The following ORC1 variants were observed in gnomAD, a reference collection of about 807,000 sequenced individuals.
ORC1 encodes the protein origin recognition complex, subunit 1 homolog.
Under a neutral mutation model 98.9 loss-of-function variants are expected in ORC1, and 61 were observed. The ratio of observed to expected loss-of-function variants is 0.62; its 90% confidence interval spans 0.50 to 0.76. ORC1 has a LOEUF of 0.76. ORC1 is among the 30% of genes least tolerant of loss of function. The probability of loss-of-function intolerance (pLI) is 0.00; values close to 1 mark genes in which losing one functional copy is unlikely to be tolerated. For missense variants in ORC1, 979 were observed against 1,072.2 expected, an observed-to-expected ratio of 0.91 and a Z score of 1.21; for synonymous variants, 385 against 406.9, an observed-to-expected ratio of 0.95 and a Z score of 0.65.
chr1:52,409,065 C>A (rs555593603), upstream of ORC1: 41 of 191,254 alleles, frequency 2.1e-4, no homozygotes, highest in African/African-American at 9.2e-4. Flanking sequence ...CTTCACAGTT[C>A]TTTCTACTGG....
intron 8 of ORC1, among the ~76,000 whole-genome samples, chr1:52,387,617 C>G (rs1460420326): frequency 6.6e-6 from 1 of 152,172 alleles, no homozygotes; most frequent in Non-Finnish European, 1.5e-5. Flanking sequence ...GCCACCATGC[C>G]TGGCTAATTT....
chr1:52,373,036 G>A lies in ORC1; in HGVS notation c.*145C>T, dbSNP rs1646953541. On this transcript the variant is annotated 3_prime_UTR_variant, in exon 17 of 17. Transcript: ENST00000371568. ...AGTTTCAGCCACCTGGGAGGATGAG[G>A]TTGGGGGGTCACCTAAGCCTGAGAA... The A allele has an allele frequency of 3.5e-6, 3 of 860,430 alleles. No individual in the cohort carries two copies. In the Admixed American group the frequency reaches 5.2e-5, roughly 15 times the overall value. 53.3% of individuals were successfully genotyped at this position (860,430 alleles called of 1,614,324 possible). A position where few individuals can be genotyped will look rare whatever the true frequency, so the allele number is the denominator to read the frequency against.
chr1:52,398,263 C>CA (rs1190675813), intron 3 of ORC1, among the ~76,000 whole-genome samples: 1 of 145,668 alleles, frequency 6.9e-6, no homozygotes, highest in Non-Finnish European at 1.5e-5. Flanking sequence ...CACCTCCCGC[C>CA]AAAATTTTTT....
In ORC1 at chr1:52,389,286, G is replaced by T. The variant is rs757960907; in HGVS notation, c.1118C>A (p.Thr373Asn). ...AKEAKAQNEA[T>N]STPHRIRRKS... ...TCTGCGGATACGATGGGGAGTAGAG[G>T]TCGCTTCATTCTGGGCTTTTGCTTC... The change falls in exon 7 of 17, where the codon ACC becomes AAC. Residue 373 changes from threonine (T) to asparagine (N), a missense_variant. Physicochemically the swap from Thr to Asn is moderately conservative, Grantham distance 65. Transcript: ENST00000371568. 3.1e-6 allele frequency: 5 copies of T among 1,614,050 alleles called. 1 individual carries two copies. In the South Asian group the frequency reaches 5.5e-5, roughly 18 times the overall value.
In ORC1 at chr1:52,376,528, C is replaced by T. The variant is rs544088078; in HGVS notation, c.2134-929G>A. On this transcript the variant is annotated intron_variant, in intron 14 of 16. Coordinates refer to ENST00000371568, the MANE Select transcript of ORC1 (RefSeq NM_004153.4). ...AAAAAAAAATCACTTTCCAAGTAAC[C>T]CAGGACACAAACATGACTATCGGCT... 5.3e-5 allele frequency among the ~76,000 whole-genome samples: 8 copies of T among 152,086 alleles called. No individual in the cohort carries two copies. In the South Asian group the frequency reaches 1.0e-3, roughly 20 times the overall value.
chr1:52,376,747 A>G (rs911364836), intron 14 of ORC1, among the ~76,000 whole-genome samples: 24 of 152,098 alleles, frequency 1.6e-4, no homozygotes, highest in African/African-American at 5.6e-4. Flanking sequence ...GTAAGGAAAC[A>G]CCTAAACCAG....
rs1290018111 is a variant in ORC1, at chr1:52,373,321, T to C, written c.2446A>G (p.Met816Val). Reference protein sequence around the residue: ...CRMEGLPYPTMSETMAVCSHL... With the variant: ...CRMEGLPYPTVSETMAVCSHL... ...GAACACACGGCCATGGTCTCTGACA[T>C]GGTGGGGTACGGCAGTCCCTCCATT... The change falls in exon 17 of 17, where the codon ATG becomes GTG. Residue 816 changes from methionine (M) to valine (V), a missense_variant. Physicochemically the swap from Met to Val is conservative, Grantham distance 21. Coordinates refer to ENST00000371568, the MANE Select transcript of ORC1 (RefSeq NM_004153.4). 1 of 1,614,142 alleles carries C rather than the reference T, an allele frequency of 6.2e-7. No individual in the cohort carries two copies. The highest frequency in any genetic ancestry group is 1.1e-5 in the South Asian group (1 of 91,076).
At chr1:52,408,941 A>G, upstream of ORC1, 2 of 354,502 alleles carry the variant, frequency 5.6e-6, no homozygotes, top group South Asian at 8.3e-5. Context: ...CCTGCCTTGC[A>G]TCATATGCCC....
At chr1:52,397,103 AT>A (rs1178264935) in intron 4 of ORC1, among the ~76,000 whole-genome samples, 1 of 152,164 alleles carries the variant, frequency 6.6e-6, no homozygotes, top group Non-Finnish European at 1.5e-5. Context: ...AATTAAGATA[AT>A]CATGCCAGAC....
chr1:52,403,041 A>C (rs1647805490), intron 1 of ORC1, among the ~76,000 whole-genome samples: 1 of 152,228 alleles, frequency 6.6e-6, no homozygotes, highest in African/African-American at 2.4e-5. Context: ...CTTACAACAC[A>C]CTGTGTGAAA....
At chr1:52,379,769 C>T (rs569845265) in intron 14 of ORC1, among the ~76,000 whole-genome samples, 1 of 151,832 alleles carries the variant, frequency 6.6e-6, no homozygotes, top group South Asian at 2.1e-4. Context: ...CCTGTCTCTA[C>T]TAAAAATACA....
chr1:52,408,295 T>C, upstream of ORC1: 1 of 548,398 alleles, frequency 1.8e-6, no homozygotes. Flanking sequence ...TCCTGTGAGG[T>C]AAATAGGTTT....
In ORC1 at chr1:52,389,426, A is replaced by G. The variant is rs375333356; in HGVS notation, c.1083-105T>C. The G allele has an allele frequency of 4.7e-5, 37 of 780,980 alleles. No homozygotes were observed. In the African/African-American group the frequency reaches 5.0e-4, roughly 10 times the overall value. 48.4% of individuals were successfully genotyped at this position (780,980 alleles called of 1,614,324 possible). On this transcript the variant is annotated intron_variant, in intron 6 of 16. Coordinates refer to ENST00000371568, the MANE Select transcript of ORC1 (RefSeq NM_004153.4). ...GGCCTGATTGGCTCCCAGTCTTTTT[A>G]TATATACTTTGAAAAGAGTAAAACT...
intron 13 of ORC1, among the ~76,000 whole-genome samples, chr1:52,382,651 C>T (rs1443172461): frequency 1.4e-5 from 2 of 146,906 alleles, no homozygotes; most frequent in South Asian, 4.3e-4. Context: ...GTGATCCTGG[C>T]TCACCGCAAC....
In ORC1 at chr1:52,393,582, G is replaced by C. The variant is rs201265198; in HGVS notation, c.943C>G (p.Arg315Gly). ...EDDKKASPEHRIILRTRIAAS... is the reference protein window; with the variant it reads ...EDDKKASPEHGIILRTRIAAS... ...GCAATTCGGGTTCTCAGGATTATGCGATGTTCAGGTGAAGCCTTCTTGTCA... is the reference window on the plus strand; with the variant it reads ...GCAATTCGGGTTCTCAGGATTATGCCATGTTCAGGTGAAGCCTTCTTGTCA... The change falls in exon 6 of 17, where the codon CGC becomes GGC. Residue 315 changes from arginine to glycine, a missense_variant. Transcript: ENST00000371568. 2 of 1,614,170 alleles carry C rather than the reference G, an allele frequency of 1.2e-6. No homozygotes were observed. Among genetic ancestry groups the C allele is most frequent in the Non-Finnish European group, 1.7e-6 (2 of 1,180,040 alleles).
intron 14 of ORC1, among the ~76,000 whole-genome samples, chr1:52,380,356 A>G (rs1028463214): frequency 5.3e-5 from 8 of 152,250 alleles, no homozygotes; most frequent in Non-Finnish European, 1.5e-5. Context: ...AAATCAACTG[A>G]CAGAAGCATC....
At chr1:52,377,696 C>T (rs1323164119) in intron 14 of ORC1, among the ~76,000 whole-genome samples, 1 of 122,096 alleles carries the variant, frequency 8.2e-6, no homozygotes, top group Admixed American at 8.9e-5. Context: ...GGTAGTGCCC[C>T]TAGAAGCAAA....
chr1:52,387,059 CTTT>C (rs1405380840), intron 8 of ORC1, among the ~76,000 whole-genome samples: 2 of 152,126 alleles, frequency 1.3e-5, no homozygotes, highest in Non-Finnish European at 2.9e-5. Context: ...GGCTTCTGCC[CTTT>C]TTTATTATGC....
At chr1:52,409,500 A>G in the ORC1 span, 1 of 152,206 alleles carries the variant, frequency 6.6e-6, no homozygotes, top group African/African-American at 2.4e-5. Context: ...AATCCCAGCT[A>G]CTCAGGAGGC....
Sources: allele counts gnomAD v4.1 joint callset (sites outside exome capture counted in the v4.1 genomes callset), GRCh38; gene constraint gnomAD v4.1.1; transcripts MANE v1.5; gene names NCBI Gene and HGNC (gene_info 2026-07-23, HGNC 2026-07-21).